Variants in DIAPH3 observed in about 807,000 individuals in gnomAD.
DIAPH3 encodes the protein protein diaphanous homolog 3.
DIAPH3 carries 117 observed loss-of-function variants against 144.3 expected under a neutral mutation model. The observed-to-expected ratio is 0.81, with a 90% CI of 0.70 to 0.95. The LOEUF (loss-of-function observed/expected upper bound fraction) is 0.95, where lower values mean the gene tolerates loss of function less well. Among genes scored for constraint, DIAPH3 ranks in the 40% least tolerant of loss-of-function variants. The pLI is 0.00. For missense variants in DIAPH3, 1,421 were observed against 1,412.7 expected (o/e 1.01, Z -0.09); for synonymous variants, 519 against 488.9 (o/e 1.06, Z -0.81).
chr13:59,670,554 G>A (rs1179075671), intron 27 of DIAPH3, among the ~76,000 whole-genome samples: 1 of 151,502 alleles, frequency 6.6e-6, no homozygotes, highest in African/African-American at 2.4e-5. Context: ...GATAGTGCAG[G>A]TAGAGGAAGT....
intron 4 of DIAPH3, among the ~76,000 whole-genome samples, chr13:60,063,392 T>G (rs950625338): frequency 1.3e-5 from 2 of 152,198 alleles, no homozygotes; most frequent in African/African-American, 4.8e-5. Context: ...CAATGAGGGT[T>G]GAAGTCAACT....
intron 4 of DIAPH3, among the ~76,000 whole-genome samples, chr13:60,084,029 G>T (rs1241394760): frequency 6.6e-6 from 1 of 151,738 alleles, no homozygotes; most frequent in Non-Finnish European, 1.5e-5. Context: ...TAGATAGATA[G>T]ATAGATAGAT....
intron 19 of DIAPH3, among the ~76,000 whole-genome samples, chr13:59,915,133 G>A (rs552138752): frequency 1.3e-5 from 2 of 152,068 alleles, no homozygotes; most frequent in African/African-American, 4.8e-5. Context: ...TTTTATTTAA[G>A]GAAGTTGGCA....
intron 22 of DIAPH3, among the ~76,000 whole-genome samples, chr13:59,860,386 G>A (rs1489501019): frequency 1.3e-5 from 2 of 152,146 alleles, no homozygotes; most frequent in African/African-American, 4.8e-5. Context: ...TTTCCAAAAT[G>A]TATTCATAAA....
At chr13:60,110,060 G>A (rs957083544) in intron 3 of DIAPH3, among the ~76,000 whole-genome samples, 2 of 152,176 alleles carry the variant, frequency 1.3e-5, no homozygotes, top group African/African-American at 4.8e-5. Flanking sequence ...AAATGAGTAT[G>A]AATGTTGAAG....
Position 59,697,459 on chromosome 13 carries a change from C to CAA in DIAPH3, c.3320-30615_3320-30614dup, listed in dbSNP as rs58372882. 3.3e-3 allele frequency among the ~76,000 whole-genome samples: 104 copies of CAA among 31,194 alleles called. 15 individuals carry two copies. The highest frequency in any genetic ancestry group is 7.1e-3 in the African/African-American group (59 of 8,350). 20.5% of individuals were successfully genotyped at this position (31,194 alleles called of 152,430 possible). ...TGGGCGACAGAGCGAGACACTGTCT[C>CAA]AAAAAAAAAAAAAAAAAAAAAAAAA... is the stretch of plus-strand genomic sequence containing the variant. On this transcript the variant is annotated intron_variant, in intron 27 of 27. Transcript: ENST00000400324.
intron 15 of DIAPH3, among the ~76,000 whole-genome samples, chr13:59,972,613 G>A (rs1485161843): frequency 6.6e-6 from 1 of 152,148 alleles, no homozygotes; most frequent in Non-Finnish European, 1.5e-5. Context: ...AAACCATTAA[G>A]TATAAAGAAG....
At chr13:59,875,149 T>G (rs1004144286) in intron 21 of DIAPH3, among the ~76,000 whole-genome samples, 1 of 152,158 alleles carries the variant, frequency 6.6e-6, no homozygotes, top group African/African-American at 2.4e-5. Context: ...TTTGGTCAGA[T>G]AAGCATCTAC....
At chr13:59,736,285 T>G (rs1421618836) in intron 27 of DIAPH3, among the ~76,000 whole-genome samples, 1 of 152,262 alleles carries the variant, frequency 6.6e-6, no homozygotes, top group Non-Finnish European at 1.5e-5. Context: ...GACTGATTTA[T>G]ATTCCTTTGG....
rs560851590 is a variant in DIAPH3, at chr13:59,913,381, C to G, written c.2266-1545G>C. ...GCTAAATTCTGCACAGACAGGCACG[C>G]ATGCCCAGCTTCCCTCACAGCCCAC... On this transcript the variant is annotated intron_variant, in intron 19 of 27. Transcript: ENST00000400324. Among the ~76,000 whole-genome samples the G allele has an allele frequency of 6.6e-5, 10 of 152,250 alleles. No homozygotes were observed. In the South Asian group the frequency reaches 2.1e-3, roughly 32 times the overall value.
intron 18 of DIAPH3, among the ~76,000 whole-genome samples, chr13:59,917,889 C>CAAAAAAAAAAAAAAA (rs60792156): frequency 5.4e-5 from 1 of 18,644 alleles, no homozygotes; most frequent in African/African-American, 1.6e-4. Flanking sequence ...GACTCTGTCT[C>CAAAAAAAAAAAAAAA]AAAAAAAAAA....
chr13:59,790,452 C>T (rs2139398195), intron 25 of DIAPH3, among the ~76,000 whole-genome samples: 1 of 152,258 alleles, frequency 6.6e-6, no homozygotes, highest in South Asian at 2.1e-4. Context: ...GGCTCAAGTT[C>T]TTTGTTCATT....
At chr13:60,103,911 G>A (rs946139602) in intron 3 of DIAPH3, among the ~76,000 whole-genome samples, 1 of 151,984 alleles carries the variant, frequency 6.6e-6, no homozygotes, top group Non-Finnish European at 1.5e-5. Context: ...AATATCAAAC[G>A]GTCAAGCTTT....
At chr13:60,031,700 A>T (rs544856195) in intron 5 of DIAPH3, among the ~76,000 whole-genome samples, 1 of 145,104 alleles carries the variant, frequency 6.9e-6, no homozygotes, top group East Asian at 2.0e-4. Flanking sequence ...GGCCCTAAGC[A>T]AGTTTGAAAC....
chr13:60,053,128 G>A (rs2056422621), intron 4 of DIAPH3, among the ~76,000 whole-genome samples: 1 of 151,712 alleles, frequency 6.6e-6, no homozygotes, highest in Non-Finnish European at 1.5e-5. Context: ...AGGAAATTGA[G>A]GGGGAAAATA....
chr13:60,097,899 G>A (rs1410394949), intron 3 of DIAPH3, among the ~76,000 whole-genome samples: 2 of 152,122 alleles, frequency 1.3e-5, no homozygotes, highest in African/African-American at 4.8e-5. Context: ...GGAAAACAAG[G>A]CTGAAAGAAG....
intron 27 of DIAPH3, among the ~76,000 whole-genome samples, chr13:59,729,807 A>ACTTT (rs1317495305): frequency 5.5e-5 from 2 of 36,152 alleles, no homozygotes; most frequent in East Asian, 1.6e-3. Context: ...TGAATACATT[A>ACTTT]ATATTTTTTT....
intron 2 of DIAPH3, among the ~76,000 whole-genome samples, chr13:60,131,073 G>T (rs1399605032): frequency 6.6e-6 from 1 of 152,048 alleles, no homozygotes; most frequent in Non-Finnish European, 1.5e-5. Flanking sequence ...AGAAAAAAAT[G>T]CAATGTCCAT....
chr13:59,994,606 T>G (rs1227578359), intron 9 of DIAPH3, among the ~76,000 whole-genome samples: 2 of 151,914 alleles, frequency 1.3e-5, no homozygotes, highest in African/African-American at 4.8e-5. Context: ...ATGGAGATGC[T>G]AAATGAGAAC....
Sources: allele counts gnomAD v4.1 joint callset (sites outside exome capture counted in the v4.1 genomes callset), GRCh38; gene constraint gnomAD v4.1.1; transcripts MANE v1.5; gene names NCBI Gene and HGNC (gene_info 2026-07-23, HGNC 2026-07-21).